The following AMPH variants were observed in gnomAD, a reference collection of about 807,000 sequenced individuals.
AMPH encodes the protein amphiphysin (Stiff-Mann syndrome with breast cancer 128kD autoantigen).
Under a neutral mutation model 99.1 loss-of-function variants are expected in AMPH, and 49 were observed. That is an observed-to-expected ratio of 0.49 (90% CI 0.39 to 0.63). The LOEUF is 0.63. Ranked by LOEUF, AMPH falls within the 20% of genes least tolerant of loss-of-function variation. The pLI is 0.00. For synonymous variants in AMPH, 314 were observed against 317.3 expected (o/e 0.99, Z 0.11); for missense variants, 759 against 863.4 (o/e 0.88, Z 1.52).
intron 1 of AMPH, among the ~76,000 whole-genome samples, chr7:38,590,712 G>A (rs1472650758): frequency 6.6e-6 from 1 of 152,122 alleles, no homozygotes; most frequent in Non-Finnish European, 1.5e-5. Flanking sequence ...GTTTAAAGGT[G>A]GGTGCGGTCA....
chr7:38,466,300 GT>G (rs1470027201), intron 7 of AMPH, 52 bp from the exon 8 acceptor site: 1 of 1,420,044 alleles, frequency 7.0e-7, no homozygotes, highest in East Asian at 2.5e-5. Context: ...AGACCAGTCA[GT>G]AAAAATAATT....
chr7:38,432,106 T>C, intron 13 of AMPH, 83 bp downstream of exon 13: 1 of 1,193,110 alleles, frequency 8.4e-7, no homozygotes, highest in Non-Finnish European at 1.3e-6. Context: ...CTTCTTTCTG[T>C]TGCAAATGAA....
rs1792294696 is a variant in AMPH at position 38,577,615 on chromosome 7, CT to C, written c.70-42605del. On this transcript the variant is annotated intron_variant, in intron 1 of 20. Transcript: ENST00000356264. ...ACCACAGAATGAATGCAGCAAACAG[CT>C]GTTGAACAAATAATAGGGAGGTGGT... 2.6e-5 allele frequency among the ~76,000 whole-genome samples: 4 copies of C among 150,968 alleles called. No homozygotes were observed. In the Admixed American group the frequency reaches 2.7e-4, roughly 10 times the overall value.
chr7:38,513,207 A>C (rs1789606741), intron 2 of AMPH, among the ~76,000 whole-genome samples: 2 of 152,256 alleles, frequency 1.3e-5, no homozygotes, highest in Non-Finnish European at 2.9e-5. Context: ...GGAGAGTGGC[A>C]GTCTTAACTA....
intron 5 of AMPH, among the ~76,000 whole-genome samples, chr7:38,490,454 T>C (rs142364642): frequency 1.3e-5 from 2 of 152,258 alleles, no homozygotes; most frequent in East Asian, 3.9e-4. Flanking sequence ...ACTTGTCCAT[T>C]TACCTCTGTA....
intron 1 of AMPH, among the ~76,000 whole-genome samples, chr7:38,563,282 C>A (rs1422494784): frequency 2.6e-4 from 39 of 152,122 alleles, no homozygotes; most frequent in Admixed American, 2.4e-3. Flanking sequence ...TAAACCAATT[C>A]TTTTTCATTT....
At chr7:38,591,246 T>C (rs1459347123) in intron 1 of AMPH, among the ~76,000 whole-genome samples, 1 of 151,982 alleles carries the variant, frequency 6.6e-6, no homozygotes, top group Admixed American at 6.6e-5. Flanking sequence ...TTTAAGAATC[T>C]TGGAAGCCCA....
rs144097456 is a variant in AMPH, at chr7:38,432,381, A to T, written c.1135-169T>A. Among the ~76,000 whole-genome samples, 12 of 152,326 alleles carry T rather than the reference A, an allele frequency of 7.9e-5. No homozygotes were observed. In the East Asian group the frequency reaches 2.3e-3, roughly 29 times the overall value. On this transcript the variant is annotated intron_variant, in intron 12 of 20. Coordinates refer to ENST00000356264, the MANE Select transcript of AMPH (RefSeq NM_001635.4). ...AAATGATCCATATCTGTGCTTATCC[A>T]GTATGGTAGCCACCAGTCACATGTG...
At position 38,417,809 on chromosome 7, in the gene AMPH, G is replaced by A. The variant is rs202236524; in HGVS notation, c.1398+16C>T. On this transcript the variant is annotated intron_variant, in intron 17 of 20. Coordinates refer to ENST00000356264, the MANE Select transcript of AMPH (RefSeq NM_001635.4). The stretch of plus-strand genomic sequence containing the variant: ...GCAGCGAGGCAGATGGAGGGTGAGA[G>A]GGAGGTGGTGCTCACCACTGCCTCC... The A allele has an allele frequency of 8.2e-5, 133 of 1,613,182 alleles. 1 individual carries two copies. In the East Asian group the frequency reaches 2.3e-3, roughly 28 times the overall value.
At chr7:38,586,155 C>A (rs1792637601) in intron 1 of AMPH, among the ~76,000 whole-genome samples, 1 of 152,118 alleles carries the variant, frequency 6.6e-6, no homozygotes, top group Admixed American at 6.6e-5. Context: ...GCAACCATCC[C>A]AGCATTTGTT....
intron 1 of AMPH, among the ~76,000 whole-genome samples, chr7:38,591,153 G>A (rs1019257740): frequency 1.3e-5 from 2 of 152,098 alleles, no homozygotes; most frequent in Admixed American, 6.5e-5. Flanking sequence ...CCCATGGCAA[G>A]CTCTCCAGTT....
chr7:38,516,329 G>T (rs1405546203), intron 2 of AMPH, among the ~76,000 whole-genome samples: 3 of 152,186 alleles, frequency 2.0e-5, no homozygotes, highest in African/African-American at 7.2e-5. Context: ...GCAGCCTCGG[G>T]ACACTGCTCC....
At chr7:38,512,978 T>A (rs909641077) in intron 2 of AMPH, among the ~76,000 whole-genome samples, 1 of 152,100 alleles carries the variant, frequency 6.6e-6, no homozygotes, top group Non-Finnish European at 1.5e-5. Context: ...TTGGATGTGA[T>A]GGAAATGAAA....
At chr7:38,441,812 T>TATATATG in intron 11 of AMPH, among the ~76,000 whole-genome samples, 1 of 105,670 alleles carries the variant, frequency 9.5e-6, no homozygotes, top group East Asian at 3.7e-4. Context: ...ATATATATCA[T>TATATATG]ATATATCATA....
intron 12 of AMPH, among the ~76,000 whole-genome samples, chr7:38,433,931 G>A (rs1228927270): frequency 2.0e-5 from 3 of 152,062 alleles, no homozygotes; most frequent in Non-Finnish European, 4.4e-5. Context: ...CTAGCAGCAA[G>A]AACACCACTT....
At chr7:38,601,543 C>T (rs531270461) in intron 1 of AMPH, among the ~76,000 whole-genome samples, 5 of 152,284 alleles carry the variant, frequency 3.3e-5, no homozygotes, top group South Asian at 2.1e-4. Context: ...ATTTGAAAAT[C>T]CAAACTATGC....
intron 2 of AMPH, among the ~76,000 whole-genome samples, chr7:38,523,692 G>T (rs1231434129): frequency 1.3e-5 from 2 of 152,138 alleles, no homozygotes; most frequent in African/African-American, 4.8e-5. Flanking sequence ...TTTGCGAAAT[G>T]ATTGTACAAT....
intron 1 of AMPH, among the ~76,000 whole-genome samples, chr7:38,579,950 T>C (rs1422258793): frequency 6.6e-6 from 1 of 152,160 alleles, no homozygotes; most frequent in East Asian, 1.9e-4. Context: ...CCCAGACTCA[T>C]GAATAAACAC....
intron 15 of AMPH, among the ~76,000 whole-genome samples, chr7:38,426,638 A>C (rs1307161076): frequency 6.6e-6 from 1 of 152,232 alleles, no homozygotes; most frequent in African/African-American, 2.4e-5. Flanking sequence ...TTTCTAGTAG[A>C]GGAATCGGTA....
Sources: gnomAD v4.1 joint callset for allele counts (sites outside exome capture counted in the v4.1 genomes callset) on GRCh38, gnomAD v4.1.1 for gene constraint, MANE v1.5 for transcripts, NCBI Gene and HGNC (gene_info 2026-07-23, HGNC 2026-07-21) for gene names.